ZC3H3: variants seen among roughly 807,000 people sequenced by gnomAD.
ZC3H3 encodes the protein zinc finger CCCH domain-containing protein 3.
Under a neutral mutation model 77.3 loss-of-function variants are expected in ZC3H3, and 36 were observed. The observed-to-expected ratio is 0.47, with a 90% CI of 0.36 to 0.61. The LOEUF is 0.61. Among genes scored for constraint, ZC3H3 ranks in the 20% least tolerant of loss-of-function variants. The pLI is 0.00. For missense variants in ZC3H3, 1,331 were observed against 1,312.2 expected (o/e 1.01, Z -0.22); for synonymous variants, 626 against 555.2 (o/e 1.13, Z -1.79).
intron 3 of ZC3H3, among the ~76,000 whole-genome samples, chr8:143,517,224 G>A (rs1377434011): frequency 6.6e-6 from 1 of 152,230 alleles, no homozygotes; most frequent in East Asian, 1.9e-4. Context: ...TTTGCTCCGT[G>A]ACAGTTGCTA....
At position 143,464,210 on chromosome 8, in the gene ZC3H3, G is replaced by A. The variant is rs191721979; in HGVS notation, c.2307+1507C>T. 1.4e-4 allele frequency among the ~76,000 whole-genome samples: 21 copies of A among 152,358 alleles called. No homozygotes were observed. The East Asian group carries it at 2.3e-3, about 17-fold the overall frequency. Reference sequence around the variant, plus strand: ...TGCGGGCGCCGCGGCGCGGACACACGGAAAGGCAGCAGTAAGCACTTCCAC... The same window carrying A: ...TGCGGGCGCCGCGGCGCGGACACACAGAAAGGCAGCAGTAAGCACTTCCAC... On this transcript the variant is annotated intron_variant, in intron 9 of 11. Transcript: ENST00000262577.
intron 4 of ZC3H3, among the ~76,000 whole-genome samples, chr8:143,476,678 C>T (rs1453574408): frequency 6.6e-6 from 1 of 152,256 alleles, no homozygotes; most frequent in Non-Finnish European, 1.5e-5. Flanking sequence ...CAAATCTGGG[C>T]AAGACATTTT....
At chr8:143,483,597 C>T (rs1250987499) in intron 4 of ZC3H3, among the ~76,000 whole-genome samples, 9 of 152,162 alleles carry the variant, frequency 5.9e-5, no homozygotes, top group East Asian at 3.9e-4. Context: ...GGCGGGCTCC[C>T]GGCTCCTGGA....
At chr8:143,470,688 T>C (rs773041412) in intron 5 of ZC3H3, among the ~76,000 whole-genome samples, 1 of 152,082 alleles carries the variant, frequency 6.6e-6, no homozygotes, top group Non-Finnish European at 1.5e-5. Flanking sequence ...GCAGGAGGGG[T>C]TACCTCCCTT....
chr8:143,486,124 T>G (rs1034003422), intron 4 of ZC3H3, among the ~76,000 whole-genome samples: 1 of 152,226 alleles, frequency 6.6e-6, no homozygotes, highest in Non-Finnish European at 1.5e-5. Context: ...CTGGCAAGGA[T>G]GGGAGAGACT....
intron 4 of ZC3H3, among the ~76,000 whole-genome samples, chr8:143,502,912 C>T (rs762801872): frequency 7.9e-5 from 12 of 152,216 alleles, no homozygotes; most frequent in South Asian, 2.1e-4. Flanking sequence ...TCCTGGGGCC[C>T]GGGGGAGGGC....
chr8:143,464,007 A>G (rs555657352), intron 9 of ZC3H3, among the ~76,000 whole-genome samples: 1 of 152,372 alleles, frequency 6.6e-6, no homozygotes, highest in East Asian at 1.9e-4. Flanking sequence ...GTGGAATATT[A>G]TAAACTCTCT....
chr8:143,488,719 C>T (rs1486640626), intron 4 of ZC3H3, among the ~76,000 whole-genome samples: 1 of 152,212 alleles, frequency 6.6e-6, no homozygotes, highest in Non-Finnish European at 1.5e-5. Context: ...TACATGAAAT[C>T]TCAAGAGACT....
chr8:143,505,064 C>A (rs986804067), intron 4 of ZC3H3, among the ~76,000 whole-genome samples: 1 of 152,184 alleles, frequency 6.6e-6, no homozygotes, highest in African/African-American at 2.4e-5. Flanking sequence ...AGCCACTAGT[C>A]ACCCTGCCTC....
At chr8:143,541,059 G>C (rs939897027) in intron 1 of ZC3H3, among the ~76,000 whole-genome samples, 3 of 152,240 alleles carry the variant, frequency 2.0e-5, no homozygotes, top group Non-Finnish European at 2.9e-5. Flanking sequence ...CGCGGGGAGA[G>C]AGTGGGCGCC....
In ZC3H3 at chr8:143,538,692, G is replaced by A. The variant is rs1468105675; in HGVS notation, c.675C>T (p.Ala225=). The change falls in exon 2 of 12, where the codon GCC becomes GCT. Residue 225 remains alanine (A), a synonymous_variant. Transcript: ENST00000262577. ...CGGAGGATGGGAAGCTCGCCTTGAC[G>A]GCAATCACACTCTCACTGACTGTCC... ...PRRTVSESVI[A]VKASFPSSAL... is the part of the protein sequence containing the mutation. 1.3e-5 allele frequency: 21 copies of A among 1,608,100 alleles called. No individual in the cohort carries two copies. The highest frequency in any genetic ancestry group is 3.3e-5 in the Admixed American group (2 of 59,978).
chr8:143,540,946 A>G (rs1468597292), intron 1 of ZC3H3, among the ~76,000 whole-genome samples: 3 of 151,470 alleles, frequency 2.0e-5, no homozygotes, highest in African/African-American at 4.9e-5. Context: ...ACAGAGCAAG[A>G]CTCTGTCTCA....
chr8:143,511,886 C>T (rs1002262877), intron 3 of ZC3H3, among the ~76,000 whole-genome samples: 1 of 152,368 alleles, frequency 6.6e-6, no homozygotes, highest in Admixed American at 6.5e-5. Flanking sequence ...CCCAAGCCTC[C>T]GCAGGCTTCA....
chr8:143,501,219 G>A (rs1463669627), intron 4 of ZC3H3, among the ~76,000 whole-genome samples: 2 of 151,678 alleles, frequency 1.3e-5, no homozygotes, highest in Non-Finnish European at 2.9e-5. Context: ...TTTTGTTTTT[G>A]AGACAGGGTC....
chr8:143,523,985 G>A (rs1563878789), intron 3 of ZC3H3, among the ~76,000 whole-genome samples: 1 of 152,236 alleles, frequency 6.6e-6, no homozygotes, highest in African/African-American at 2.4e-5. Context: ...TGGATGCCAG[G>A]AGTCTCCCAG....
At chr8:143,524,577 G>C (rs1194531047) in intron 3 of ZC3H3, among the ~76,000 whole-genome samples, 3 of 152,250 alleles carry the variant, frequency 2.0e-5, no homozygotes, top group Admixed American at 6.5e-5. Flanking sequence ...GTCGCACAGA[G>C]GTGGGTCAAG....
At chr8:143,497,361 G>A (rs1169361632) in intron 4 of ZC3H3, among the ~76,000 whole-genome samples, 3 of 149,114 alleles carry the variant, frequency 2.0e-5, no homozygotes, top group African/African-American at 7.4e-5. Context: ...CCCCAACCCC[G>A]CCACCAGTCA....
At chr8:143,490,828 T>C (rs1265858618) in intron 4 of ZC3H3, among the ~76,000 whole-genome samples, 2 of 152,166 alleles carry the variant, frequency 1.3e-5, no homozygotes, top group Non-Finnish European at 2.9e-5. Context: ...AGTGGGAGAA[T>C]TGCTTGAGCC....
intron 4 of ZC3H3, among the ~76,000 whole-genome samples, chr8:143,502,252 G>A (rs547013334): frequency 2.0e-5 from 3 of 152,364 alleles, no homozygotes; most frequent in South Asian, 2.1e-4. Context: ...CCCAGCCGAC[G>A]AAGACAGTGC....
Sources: gnomAD v4.1 joint callset for allele counts (sites outside exome capture counted in the v4.1 genomes callset) on GRCh38, gnomAD v4.1.1 for gene constraint, MANE v1.5 for transcripts, NCBI Gene and HGNC (gene_info 2026-07-23, HGNC 2026-07-21) for gene names.